The following CLRN1 variants were observed in gnomAD, a reference collection of about 807,000 sequenced individuals.
The protein encoded by CLRN1 is clarin-1.
CLRN1 carries 15 observed loss-of-function variants against 18.7 expected under a neutral mutation model. The observed-to-expected ratio is 0.80, with a 90% confidence interval of 0.54 to 1.23. The LOEUF is 1.23. CLRN1 is among the 50% of genes most tolerant of loss of function. CLRN1 has a pLI of 0.00. For synonymous variants in CLRN1, 104 were observed against 102.9 expected, an observed-to-expected ratio of 1.01 and a Z score of -0.07; for missense variants, 311 against 277.5, an observed-to-expected ratio of 1.12 and a Z score of -0.86.
chr3:150,941,315 G>T, intron 2 of CLRN1: 1 of 337,482 alleles, frequency 3.0e-6, no homozygotes, highest in Non-Finnish European at 5.5e-6. Flanking sequence ...GTAACTTTTT[G>T]AGACAAGCGT....
At chr3:150,962,683 T>C (rs1576645001) in intron 1 of CLRN1, among the ~76,000 whole-genome samples, 2 of 152,306 alleles carry the variant, frequency 1.3e-5, no homozygotes, top group African/African-American at 2.4e-5. Flanking sequence ...TTGAAGATCA[T>C]ACCATGAAGA....
At chr3:150,957,479 T>C (rs1714801370) in intron 1 of CLRN1, among the ~76,000 whole-genome samples, 1 of 152,176 alleles carries the variant, frequency 6.6e-6, no homozygotes, top group African/African-American at 2.4e-5. Flanking sequence ...CAAAGAACCA[T>C]TTCCAGTGTC....
intron 1 of CLRN1, among the ~76,000 whole-genome samples, chr3:150,962,135 T>A (rs1354548186): frequency 6.6e-6 from 1 of 152,218 alleles, no homozygotes; most frequent in Non-Finnish European, 1.5e-5. Context: ...AGGACCCATT[T>A]AACTGCTCCT....
chr3:150,972,518 C>T lies in CLRN1; in HGVS notation c.191G>A (p.Gly64Glu). ...CCTCACACCCTCTCCGTGGAAAAGC[C>T]CGTACTGCATTTCACCCATAAACTT... is the stretch of plus-strand genomic sequence containing the variant. ...LDKFMGEMQY[G>E]LFHGEGVRQC... Residue 64 changes from glycine (G) to glutamate (E), a missense_variant, in exon 1 of 3, where the codon GGG becomes GAG. Transcript: ENST00000327047. The T allele has an allele frequency of 2.5e-6, 4 of 1,614,194 alleles. No homozygotes were observed. The highest frequency in any genetic ancestry group is 3.4e-6 in the Non-Finnish European group (4 of 1,180,046).
At position 150,941,802 on chromosome 3, in the gene CLRN1, A is replaced by G. The variant is rs755788375; in HGVS notation, c.254-41T>C. 2.0e-6 allele frequency: 3 copies of G among 1,535,428 alleles called. No homozygotes were observed. The African/African-American group carries it at 4.1e-5, about 21-fold the overall frequency. The stretch of plus-strand genomic sequence containing the variant: ...AACTAGGGTTAGAAGAAGTTTCATT[A>G]GCAGTAGTCTGCAAGTATAATTTTA... On this transcript the variant is annotated intron_variant, in intron 1 of 2. Coordinates refer to ENST00000327047, the MANE Select transcript of CLRN1 (RefSeq NM_174878.3).
intron 2 of CLRN1, among the ~76,000 whole-genome samples, chr3:150,932,134 T>C (rs1406856709): frequency 6.6e-6 from 1 of 152,106 alleles, no homozygotes; most frequent in East Asian, 1.9e-4. Context: ...TGTCACACCA[T>C]GAATGATCAG....
chr3:150,928,566 C>T (rs889319610), intron 2 of CLRN1, among the ~76,000 whole-genome samples: 6 of 152,236 alleles, frequency 3.9e-5, no homozygotes, highest in African/African-American at 1.2e-4. Flanking sequence ...GGCTACAAAG[C>T]AGCCACTGCT....
intron 1 of CLRN1, among the ~76,000 whole-genome samples, chr3:150,947,592 A>G (rs1714243792): frequency 6.6e-6 from 1 of 152,218 alleles, no homozygotes; most frequent in African/African-American, 2.4e-5. Flanking sequence ...CAAAACCAAC[A>G]GAATATACAT....
chr3:150,941,784 G>A (rs1350816088), intron 1 of CLRN1, 23 bp from the exon 2 acceptor site: 4 of 1,607,456 alleles, frequency 2.5e-6, no homozygotes, highest in South Asian at 1.1e-5. Flanking sequence ...CAAAACTAGG[G>A]TTAGAAGAAG....
At chr3:150,936,127 A>T (rs1243978981) in intron 2 of CLRN1, among the ~76,000 whole-genome samples, 1 of 152,032 alleles carries the variant, frequency 6.6e-6, no homozygotes, top group Admixed American at 6.6e-5. Flanking sequence ...TGCTGTGCAG[A>T]AGCTCTTTAG....
intron 1 of CLRN1, among the ~76,000 whole-genome samples, chr3:150,957,190 T>A (rs1046984435): frequency 1.3e-5 from 2 of 151,916 alleles, no homozygotes; most frequent in South Asian, 2.1e-4. Flanking sequence ...TCCTCTCTAC[T>A]GCTCTATCTT....
intron 1 of CLRN1, among the ~76,000 whole-genome samples, chr3:150,952,294 C>T (rs1714529525): frequency 6.6e-6 from 1 of 152,102 alleles, no homozygotes; most frequent in Admixed American, 6.5e-5. Flanking sequence ...AAGAAACTCT[C>T]AATGCTGGGT....
rs118134432 is a variant in CLRN1 at position 150,943,384 on chromosome 3, C to T, written c.254-1623G>A. Among the ~76,000 whole-genome samples, 334 of 152,234 alleles carry T rather than the reference C, an allele frequency of 2.2e-3. 1 individual carries two copies. Among genetic ancestry groups the T allele is most frequent in the East Asian group, 0.018 (91 of 5,184 alleles). ...ACCACCTATCCTCTGCCTATAAATA[C>T]CCCAGACTCAGCCAGTAGAGAGGAG... On this transcript the variant is annotated intron_variant, in intron 1 of 2. Transcript: ENST00000327047.
At chr3:150,940,410 G>C in intron 2 of CLRN1, 1 of 1,376,308 alleles carries the variant, frequency 7.3e-7, no homozygotes, top group Non-Finnish European at 9.8e-7. Flanking sequence ...TAGAGAGAGA[G>C]ATCTATACAC....
chr3:150,962,078 T>C (rs931091679), intron 1 of CLRN1, among the ~76,000 whole-genome samples: 3 of 152,172 alleles, frequency 2.0e-5, no homozygotes, highest in African/African-American at 7.2e-5. Context: ...TCACCCACGG[T>C]GGCTTAGGGA....
At chr3:150,943,684 C>A (rs1713988639) in intron 1 of CLRN1, 16 of 1,417,904 alleles carry the variant, frequency 1.1e-5, no homozygotes, top group Middle Eastern at 5.1e-4. Flanking sequence ...TTTGCCCTCA[C>A]AGGCAGAGGG....
chr3:150,958,577 A>G (rs1347614166), intron 1 of CLRN1, among the ~76,000 whole-genome samples: 2 of 152,230 alleles, frequency 1.3e-5, no homozygotes, highest in African/African-American at 2.4e-5. Context: ...CTAGGACCAC[A>G]ATAAGTTCTT....
chr3:150,936,611 G>A (rs1713502591), intron 2 of CLRN1, among the ~76,000 whole-genome samples: 1 of 152,064 alleles, frequency 6.6e-6, no homozygotes, highest in Non-Finnish European at 1.5e-5. Flanking sequence ...CAATGTGATG[G>A]TATTGTCTTT....
At chr3:150,957,846 A>G (rs1339193318) in intron 1 of CLRN1, among the ~76,000 whole-genome samples, 1 of 151,908 alleles carries the variant, frequency 6.6e-6, no homozygotes, top group East Asian at 1.9e-4. Flanking sequence ...TTTAGTAGAG[A>G]CGGGGTTTCA....
Sources: allele counts gnomAD v4.1 joint callset (sites outside exome capture counted in the v4.1 genomes callset), GRCh38; gene constraint gnomAD v4.1.1; transcripts MANE v1.5; gene names NCBI Gene and HGNC (gene_info 2026-07-23, HGNC 2026-07-21).